Variants in AGBL4 observed in about 807,000 individuals in gnomAD.
AGBL4 encodes AGBL carboxypeptidase 4, also known as cytosolic carboxypeptidase 6.
Under a neutral mutation model 66.4 loss-of-function variants are expected in AGBL4, and 58 were observed. The ratio of observed to expected loss-of-function variants is 0.87; its 90% CI spans 0.71 to 1.09. The LOEUF is 1.09. AGBL4 is among the 50% of genes least tolerant of loss of function. The pLI is 0.00. For missense variants in AGBL4, 579 were observed against 631.0 expected, an observed-to-expected ratio of 0.92 and a Z score of 0.88; for synonymous variants, 234 against 222.9, an observed-to-expected ratio of 1.05 and a Z score of -0.44.
intron 3 of AGBL4, among the ~76,000 whole-genome samples, chr1:49,352,961 CT>C (rs948900362): frequency 5.9e-5 from 9 of 152,172 alleles, no homozygotes; most frequent in African/African-American, 1.9e-4. Context: ...TATGACTTTC[CT>C]TTCCCAAATA....
rs148872648 is a variant in AGBL4 at position 49,523,573 on chromosome 1, C to T, written c.282+173740G>A. On this transcript the variant is annotated intron_variant, in intron 3 of 13. Coordinates refer to ENST00000371839, the MANE Select transcript of AGBL4 (RefSeq NM_032785.4). Reference sequence around the variant, plus strand: ...AACCTAATTTCCATAACTTTAAGTACATAATAACTGGGAGGTGAAGACAAG... The same window carrying T: ...AACCTAATTTCCATAACTTTAAGTATATAATAACTGGGAGGTGAAGACAAG... Among the ~76,000 whole-genome samples the T allele has an allele frequency of 2.0e-3, 298 of 152,038 alleles. 4 individuals carry two copies. The East Asian group carries it at 0.031, about 16-fold the overall frequency.
At chr1:49,263,614 A>C (rs572900582) in intron 3 of AGBL4, among the ~76,000 whole-genome samples, 13 of 152,304 alleles carry the variant, frequency 8.5e-5, no homozygotes, top group African/African-American at 2.9e-4. Flanking sequence ...TCAGCAAAAA[A>C]GTAAATCTAA....
At chr1:49,034,069 C>T (rs1056925242) in intron 5 of AGBL4, among the ~76,000 whole-genome samples, 4 of 151,928 alleles carry the variant, frequency 2.6e-5, no homozygotes, top group Non-Finnish European at 1.5e-5. Flanking sequence ...ATTGTAGAGT[C>T]CTACCTAACA....
chr1:49,114,426 A>T (rs546561395), intron 4 of AGBL4, among the ~76,000 whole-genome samples: 95 of 152,284 alleles, frequency 6.2e-4, no homozygotes, highest in African/African-American at 2.1e-3. Flanking sequence ...GGCTGGTTTG[A>T]TCTTCTATCC....
At chr1:48,714,540 T>A (rs1390067472) in intron 6 of AGBL4, among the ~76,000 whole-genome samples, 1 of 152,234 alleles carries the variant, frequency 6.6e-6, no homozygotes, top group Admixed American at 6.5e-5. Context: ...CCTTCCACAT[T>A]TCTTGCCGGA....
chr1:49,076,460 G>A (rs560448568), intron 4 of AGBL4, among the ~76,000 whole-genome samples: 4 of 152,240 alleles, frequency 2.6e-5, no homozygotes, highest in African/African-American at 9.6e-5. Flanking sequence ...ATTCACTATT[G>A]AGTGCATTTG....
chr1:49,933,846 G>C (rs1430649286), intron 1 of AGBL4, among the ~76,000 whole-genome samples: 1 of 152,058 alleles, frequency 6.6e-6, no homozygotes, highest in African/African-American at 2.4e-5. Flanking sequence ...AAGGGAGATA[G>C]CAAGTGAGGA....
At chr1:49,890,260 T>G (rs1409959879) in intron 1 of AGBL4, among the ~76,000 whole-genome samples, 2 of 152,230 alleles carry the variant, frequency 1.3e-5, no homozygotes, top group Non-Finnish European at 2.9e-5. Context: ...AAAATCCAGC[T>G]CTGATTTCAA....
intron 3 of AGBL4, among the ~76,000 whole-genome samples, chr1:49,293,404 A>AGTTTT (rs1644581462): frequency 6.6e-6 from 1 of 152,208 alleles, no homozygotes. Flanking sequence ...CAAAGGTGCC[A>AGTTTT]CTGGTCACAG....
At chr1:48,685,884 C>A (rs1646523463) in intron 6 of AGBL4, among the ~76,000 whole-genome samples, 3 of 152,232 alleles carry the variant, frequency 2.0e-5, no homozygotes, top group African/African-American at 7.2e-5. Flanking sequence ...ATAGTCACAA[C>A]TAAAATTGTT....
intron 3 of AGBL4, among the ~76,000 whole-genome samples, chr1:49,510,773 A>G (rs888029477): frequency 6.6e-6 from 1 of 151,192 alleles, no homozygotes; most frequent in African/African-American, 2.4e-5. Context: ...AGGTGTAAGG[A>G]AGGGATCCAG....
chr1:48,968,093 C>T (rs564515482), intron 5 of AGBL4, among the ~76,000 whole-genome samples: 94 of 111,560 alleles, frequency 8.4e-4, no homozygotes, highest in African/African-American at 2.8e-3. Flanking sequence ...CAGAAATCTC[C>T]CTGTCAGAGA....
At chr1:49,274,961 G>A (rs1326641301) in intron 3 of AGBL4, among the ~76,000 whole-genome samples, 1 of 152,078 alleles carries the variant, frequency 6.6e-6, no homozygotes, top group Non-Finnish European at 1.5e-5. Context: ...GTATATATTT[G>A]TGAACAAAAA....
chr1:49,720,129 A>G (rs747241897), intron 2 of AGBL4, among the ~76,000 whole-genome samples: 7 of 152,146 alleles, frequency 4.6e-5, no homozygotes, highest in Non-Finnish European at 7.4e-5. Context: ...AGCAATAAGT[A>G]TCTCCAAATA....
intron 11 of AGBL4, among the ~76,000 whole-genome samples, chr1:48,554,216 C>T (rs114581256): frequency 2.6e-5 from 4 of 152,298 alleles, no homozygotes; most frequent in African/African-American, 7.2e-5. Context: ...TGTGTCTTCA[C>T]CCCTGATTAG....
chr1:48,560,740 A>G (rs1644384453), intron 11 of AGBL4, among the ~76,000 whole-genome samples: 1 of 152,180 alleles, frequency 6.6e-6, no homozygotes, highest in Non-Finnish European at 1.5e-5. Context: ...ACTTTATGCA[A>G]CCAACAATTA....
chr1:49,359,128 G>A (rs1015435879), intron 3 of AGBL4, among the ~76,000 whole-genome samples: 1 of 152,096 alleles, frequency 6.6e-6, no homozygotes, highest in Admixed American at 6.6e-5. Context: ...TGCAGTTTTA[G>A]GCACAAAATA....
At chr1:49,016,207 G>A (rs1269014404) in intron 5 of AGBL4, among the ~76,000 whole-genome samples, 4 of 152,110 alleles carry the variant, frequency 2.6e-5, no homozygotes, top group African/African-American at 9.7e-5. Context: ...AGTCATCAGG[G>A]GCATGCCTGT....
intron 3 of AGBL4, among the ~76,000 whole-genome samples, chr1:49,325,716 A>G (rs1570439419): frequency 1.3e-5 from 2 of 152,224 alleles, no homozygotes; most frequent in Non-Finnish European, 1.5e-5. Flanking sequence ...CTCATATTCA[A>G]TTGTAATCCC....
Sources: gnomAD v4.1 joint callset for allele counts (sites outside exome capture counted in the v4.1 genomes callset) on GRCh38, gnomAD v4.1.1 for gene constraint, MANE v1.5 for transcripts, NCBI Gene and HGNC (gene_info 2026-07-23, HGNC 2026-07-21) for gene names.